The following GPHN variants were observed in gnomAD, a reference collection of about 807,000 sequenced individuals.
GPHN encodes the protein gephyrin.
Under a neutral mutation model 95.5 loss-of-function variants are expected in GPHN, and 17 were observed. The ratio of observed to expected loss-of-function variants is 0.18; its 90% CI spans 0.12 to 0.27. GPHN has a LOEUF of 0.27. Among genes scored for constraint, GPHN ranks in the 10% least tolerant of loss-of-function variants. The pLI is 1.00. For missense variants in GPHN, 660 were observed against 978.1 expected (o/e 0.67, Z 4.34); for synonymous variants, 320 against 322.5 (o/e 0.99, Z 0.08).
At chr14:66,517,454 A>C (rs8006509) in intron 1 of GPHN, among the ~76,000 whole-genome samples, 1 of 152,224 alleles carries the variant, frequency 6.6e-6, no homozygotes, top group East Asian at 1.9e-4. Flanking sequence ...TAAAATTTGT[A>C]TGGAACCATA....
At chr14:67,670,996 G>T in the GPHN span, among the ~76,000 whole-genome samples, 11 of 152,080 alleles carry the variant, frequency 7.2e-5, no homozygotes, top group Admixed American at 2.0e-4. Context: ...ATTCATGATG[G>T]GCATTAAAGC....
At chr14:66,530,638 G>A (rs1197405507) in intron 1 of GPHN, among the ~76,000 whole-genome samples, 1 of 152,214 alleles carries the variant, frequency 6.6e-6, no homozygotes, top group African/African-American at 2.4e-5. Context: ...GACCAAGGGA[G>A]TGTACGGTCT....
intron 2 of GPHN, among the ~76,000 whole-genome samples, chr14:66,686,890 T>A (rs982045817): frequency 1.1e-4 from 17 of 152,286 alleles, no homozygotes; most frequent in Admixed American, 8.5e-4. Context: ...TGTGGGTTTG[T>A]CATAAATAGC....
the GPHN span, among the ~76,000 whole-genome samples, chr14:67,389,694 G>T: frequency 6.6e-6 from 1 of 151,834 alleles, no homozygotes; most frequent in African/African-American, 2.4e-5. Flanking sequence ...AGCTGAGACA[G>T]CAGACTCATC....
chr14:67,481,787 T>G, the GPHN span, among the ~76,000 whole-genome samples: 1 of 152,002 alleles, frequency 6.6e-6, no homozygotes, highest in Admixed American at 6.5e-5. Flanking sequence ...TTCCACTAGC[T>G]CCTTGCTCAG....
chr14:66,712,592 G>A (rs2069758226), intron 2 of GPHN, among the ~76,000 whole-genome samples: 1 of 152,188 alleles, frequency 6.6e-6, no homozygotes, highest in Non-Finnish European at 1.5e-5. Flanking sequence ...TAGGTTGCCT[G>A]TTCACTCTGA....
the GPHN span, among the ~76,000 whole-genome samples, chr14:67,357,277 A>AG: frequency 6.6e-6 from 1 of 152,256 alleles, no homozygotes; most frequent in Non-Finnish European, 1.5e-5. Flanking sequence ...TATGGCTTTT[A>AG]AAACTTGCTC....
At chr14:67,585,320 G>T in the GPHN span, 2 of 478,760 alleles carry the variant, frequency 4.2e-6, no homozygotes, top group Admixed American at 7.4e-5. Context: ...GACATCAAAA[G>T]AATGATCGCC....
chr14:67,105,858 G>C (rs2078005957), intron 13 of GPHN, among the ~76,000 whole-genome samples: 1 of 152,036 alleles, frequency 6.6e-6, no homozygotes, highest in Non-Finnish European at 1.5e-5. Flanking sequence ...GAGGACTCCT[G>C]TCATTTCATT....
At chr14:67,562,200 C>T in the GPHN span, 2 of 1,611,602 alleles carry the variant, frequency 1.2e-6, no homozygotes, top group African/African-American at 2.7e-5. Flanking sequence ...GAGCAGGATT[C>T]TGTCCCTTCA....
intron 3 of GPHN, among the ~76,000 whole-genome samples, chr14:66,812,676 C>G (rs1305990658): frequency 6.6e-6 from 1 of 152,078 alleles, no homozygotes; most frequent in African/African-American, 2.4e-5. Context: ...ATTTAAGACC[C>G]CACCTGAGCC....
chr14:67,494,762 G>A, the GPHN span, among the ~76,000 whole-genome samples: 4,445 of 152,234 alleles, frequency 0.029, 248 homozygotes, highest in East Asian at 0.22. Flanking sequence ...AACACAGAAC[G>A]AAGGCTCGCC....
chr14:67,559,722 C>CAG, the GPHN span: 1 of 1,471,450 alleles, frequency 6.8e-7, no homozygotes, highest in South Asian at 1.2e-5. Flanking sequence ...GGAGGCCTGC[C>CAG]AGAGGCATGG....
At chr14:66,841,697 C>T (rs2062096260) in intron 4 of GPHN, among the ~76,000 whole-genome samples, 1 of 152,028 alleles carries the variant, frequency 6.6e-6, no homozygotes, top group Non-Finnish European at 1.5e-5. Context: ...TTATGGAAAC[C>T]TGAACTTCCT....
the GPHN span, among the ~76,000 whole-genome samples, chr14:67,190,749 G>C: frequency 1.3e-5 from 2 of 152,172 alleles, no homozygotes; most frequent in Non-Finnish European, 2.9e-5. Flanking sequence ...TCCTGCAAAG[G>C]TGCAACCAGA....
the GPHN span, among the ~76,000 whole-genome samples, chr14:67,298,318 A>T: frequency 6.6e-6 from 1 of 152,120 alleles, no homozygotes; most frequent in South Asian, 2.1e-4. Context: ...GTTCGAGACT[A>T]GTCTGGCCAA....
intron 8 of GPHN, among the ~76,000 whole-genome samples, chr14:66,934,834 A>T (rs772060997): frequency 6.6e-6 from 1 of 152,236 alleles, no homozygotes; most frequent in East Asian, 1.9e-4. Flanking sequence ...ACATGAGCCA[A>T]TAAGCTAATA....
chr14:66,928,839 T>A (rs1300236776), intron 8 of GPHN, among the ~76,000 whole-genome samples: 1 of 152,182 alleles, frequency 6.6e-6, no homozygotes, highest in East Asian at 1.9e-4. Context: ...AAGTTTTTTT[T>A]ATTGATTTCT....
chr14:67,493,940 A>G, the GPHN span, among the ~76,000 whole-genome samples: 3 of 152,120 alleles, frequency 2.0e-5, no homozygotes, highest in Non-Finnish European at 4.4e-5. Context: ...GTTCTGGGGA[A>G]TCTGTGACAG....
Sources: gnomAD v4.1 joint callset for allele counts (sites outside exome capture counted in the v4.1 genomes callset) on GRCh38, gnomAD v4.1.1 for gene constraint, MANE v1.5 for transcripts, NCBI Gene and HGNC (gene_info 2026-07-23, HGNC 2026-07-21) for gene names.